Variants in UGT3A1 observed in about 807,000 individuals in gnomAD.
UGT3A1 encodes UDP glycosyltransferase family 3 member A1.
A neutral mutation model predicts 37.6 loss-of-function variants in UGT3A1; 40 were observed. The ratio of observed to expected loss-of-function variants is 1.06; its 90% CI spans 0.83 to 1.38. The LOEUF is 1.38. Ranked by LOEUF, UGT3A1 falls within the 40% of genes most tolerant of loss-of-function variation. The pLI is 0.00. For synonymous variants in UGT3A1, 256 were observed against 232.3 expected (o/e 1.10, Z -0.93); for missense variants, 642 against 634.2 (o/e 1.01, Z -0.13).
chr5:35,990,863 G>A (rs909121007), intron 1 of UGT3A1: 55 of 1,184,306 alleles, frequency 4.6e-5, no homozygotes, highest in Non-Finnish European at 6.5e-6. Context: ...CTCTGGTCCT[G>A]GTCTCAAATT....
At chr5:35,967,630 A>AG (rs1739863889) in intron 3 of UGT3A1, among the ~76,000 whole-genome samples, 1 of 152,228 alleles carries the variant, frequency 6.6e-6, no homozygotes. Flanking sequence ...GACAAACAAA[A>AG]GAGTTGAAGA....
chr5:35,995,701 C>T (rs114045717), upstream of UGT3A1, among the ~76,000 whole-genome samples: 1,201 of 152,148 alleles, frequency 7.9e-3, 17 homozygotes, highest in African/African-American at 0.028. Flanking sequence ...TAAAGAGTCA[C>T]GGGAATGAGT....
chr5:35,951,427 T>C lies in UGT3A1; in HGVS notation c.*2775A>G, dbSNP rs1739198924. On this transcript the variant is annotated 3_prime_UTR_variant, in exon 7 of 7. Coordinates refer to ENST00000274278, the MANE Select transcript of UGT3A1 (RefSeq NM_152404.4). ...CTTATAAAAAAAAGGATACATCCTATAGTTACTCTTACTCTTTGCTATTTT... is the reference window on the plus strand; with the variant it reads ...CTTATAAAAAAAAGGATACATCCTACAGTTACTCTTACTCTTTGCTATTTT... The C allele has an allele frequency of 6.6e-6, 1 of 152,188 alleles. No individual in the cohort carries two copies. Among genetic ancestry groups the C allele is most frequent in the Non-Finnish European group, 1.5e-5 (1 of 67,994 alleles). 9.4% of individuals were successfully genotyped at this position (152,188 alleles called of 1,614,324 possible). A position where few individuals can be genotyped will look rare whatever the true frequency, so the allele number is the denominator to read the frequency against.
chr5:35,976,866 AG>A (rs1413332031), intron 2 of UGT3A1, among the ~76,000 whole-genome samples: 2 of 142,020 alleles, frequency 1.4e-5, no homozygotes, highest in African/African-American at 5.1e-5. Context: ...GAAGGAAAGA[AG>A]GGACGGAGGG....
upstream of UGT3A1, among the ~76,000 whole-genome samples, chr5:35,992,936 A>G (rs533195281): frequency 1.3e-5 from 2 of 152,256 alleles, no homozygotes; most frequent in African/African-American, 4.8e-5. Flanking sequence ...AGATGGCTAC[A>G]AGATGGAAAG....
chr5:35,982,083 A>G (rs1239244853), intron 2 of UGT3A1, among the ~76,000 whole-genome samples: 6 of 152,242 alleles, frequency 3.9e-5, no homozygotes, highest in Non-Finnish European at 7.3e-5. Context: ...GAGATTTGGA[A>G]GCCTCCACCT....
At chr5:35,993,636 C>T (rs78197803), upstream of UGT3A1, among the ~76,000 whole-genome samples, 2,552 of 152,270 alleles carry the variant, frequency 0.017, 67 homozygotes, top group African/African-American at 0.058. Flanking sequence ...TCCTGGTGCG[C>T]GTCCTTAACT....
At chr5:35,963,891 T>A (rs1739690747) in intron 4 of UGT3A1, among the ~76,000 whole-genome samples, 1 of 152,170 alleles carries the variant, frequency 6.6e-6, no homozygotes, top group South Asian at 2.1e-4. Context: ...GGATGGCACC[T>A]CTAACAAAAA....
At chr5:35,990,418 A>T (rs1404860474) in intron 1 of UGT3A1, among the ~76,000 whole-genome samples, 2 of 152,124 alleles carry the variant, frequency 1.3e-5, no homozygotes, top group African/African-American at 4.8e-5. Flanking sequence ...GAGCTCATAT[A>T]TAATTCTCTT....
At chr5:35,995,792 CA>C (rs1741081257), upstream of UGT3A1, among the ~76,000 whole-genome samples, 1 of 152,074 alleles carries the variant, frequency 6.6e-6, no homozygotes, top group Non-Finnish European at 1.5e-5. Flanking sequence ...TGCCAGAACC[CA>C]AATGAATCAG....
At chr5:35,988,016 G>T (rs752935099) in intron 2 of UGT3A1, among the ~76,000 whole-genome samples, 4 of 152,128 alleles carry the variant, frequency 2.6e-5, no homozygotes, top group Non-Finnish European at 5.9e-5. Context: ...TAATAATTAA[G>T]AGGCTCCCTG....
intron 2 of UGT3A1, among the ~76,000 whole-genome samples, chr5:35,971,862 C>A (rs180865241): frequency 1.8e-3 from 267 of 152,292 alleles, no homozygotes; most frequent in Non-Finnish European, 2.1e-3. Flanking sequence ...CCAACCACCC[C>A]ACTTGTGAAG....
rs542415942 is a variant in UGT3A1, at chr5:35,984,901, G to T, written c.196+3549C>A. On this transcript the variant is annotated intron_variant, in intron 2 of 6. Transcript: ENST00000274278. ...ACTCAAAGCTAGTTTATATTTTCAA[G>T]TCTTCTTACTTTTACTAATGCTGCT... Among the ~76,000 whole-genome samples, 53 of 152,008 alleles carry T rather than the reference G, an allele frequency of 3.5e-4. 1 individual carries two copies. Among genetic ancestry groups the T allele is most frequent in the African/African-American group, 1.2e-3 (50 of 41,506 alleles).
chr5:35,993,427 G>T (rs1246355742), upstream of UGT3A1, among the ~76,000 whole-genome samples: 2 of 151,294 alleles, frequency 1.3e-5, no homozygotes, highest in Non-Finnish European at 2.9e-5. Flanking sequence ...TCGCGCCACT[G>T]CACTCAAGCC....
intron 4 of UGT3A1, among the ~76,000 whole-genome samples, chr5:35,959,943 T>TTTC (rs1739510746): frequency 1.9e-5 from 1 of 53,754 alleles, no homozygotes; most frequent in South Asian, 1.4e-3. Flanking sequence ...AGGAAAACAA[T>TTTC]TTCAACAATA....
chr5:35,954,381 T>C lies in UGT3A1; in HGVS notation c.1393A>G (p.Thr465Ala), dbSNP rs1383195407. The C allele has an allele frequency of 6.2e-7, 1 of 1,614,150 alleles. No homozygotes were observed. The highest frequency in any genetic ancestry group is 8.5e-7 in the Non-Finnish European group (1 of 1,180,024). Residue 465 changes from threonine to alanine, a missense_variant, in exon 7 of 7, where the codon ACT becomes GCT. Coordinates refer to ENST00000274278, the MANE Select transcript of UGT3A1 (RefSeq NM_152404.4). ...LVGWIDHILQ[T>A]GGATHLKPYA... ...GGCTTGAGGTGCGTCGCTCCCCCAG[T>C]CTGGAGGATGTGGTCGATCCAGCCC...
At chr5:35,964,710 G>A (rs1739727434) in intron 4 of UGT3A1, among the ~76,000 whole-genome samples, 2 of 152,144 alleles carry the variant, frequency 1.3e-5, no homozygotes, top group African/African-American at 4.8e-5. Context: ...AATAACTTCT[G>A]TAAAATGGGA....
chr5:35,984,598 G>A (rs1466302294), intron 2 of UGT3A1, among the ~76,000 whole-genome samples: 1 of 150,754 alleles, frequency 6.6e-6, no homozygotes, highest in Non-Finnish European at 1.5e-5. Context: ...TCAGCCTCCT[G>A]AGTACCTGGG....
intron 2 of UGT3A1, among the ~76,000 whole-genome samples, chr5:35,975,582 T>C (rs529984108): frequency 6.6e-5 from 10 of 152,340 alleles, no homozygotes; most frequent in African/African-American, 2.4e-4. Flanking sequence ...AACTGCAGCA[T>C]GAGTGCATAA....
Sources: gnomAD v4.1 joint callset for allele counts (sites outside exome capture counted in the v4.1 genomes callset) on GRCh38, gnomAD v4.1.1 for gene constraint, MANE v1.5 for transcripts, NCBI Gene and HGNC (gene_info 2026-07-23, HGNC 2026-07-21) for gene names.